The following TFEC variants were observed in gnomAD, a reference collection of about 807,000 sequenced individuals.
The protein encoded by TFEC is transcription factor EC.
TFEC carries 31 observed loss-of-function variants against 41.6 expected under a neutral mutation model. The ratio of observed to expected loss-of-function variants is 0.74; its 90% CI spans 0.56 to 1.01. The LOEUF (loss-of-function observed/expected upper bound fraction) is 1.01, where lower values mean the gene tolerates loss of function less well. Among genes scored for constraint, TFEC ranks in the 50% least tolerant of loss-of-function variants. The pLI is 0.00. For missense variants in TFEC, 402 were observed against 404.1 expected (o/e 0.99, Z 0.04); for synonymous variants, 143 against 140.6 (o/e 1.02, Z -0.12).
chr7:116,065,715 G>C (rs1270495709), intron 3 of TFEC, among the ~76,000 whole-genome samples: 1 of 152,116 alleles, frequency 6.6e-6, no homozygotes, highest in African/African-American at 2.4e-5. Flanking sequence ...TGAACCATTT[G>C]AGTATGTATC....
chr7:116,143,061 A>AGGC, intron 1 of TFEC, among the ~76,000 whole-genome samples: 1 of 152,190 alleles, frequency 6.6e-6, no homozygotes, highest in East Asian at 1.9e-4. Flanking sequence ...AATGAAGGTC[A>AGGC]GGCGTGCGAC....
intron 3 of TFEC, 44 bp downstream of exon 3, chr7:115,974,126 T>C: frequency 2.0e-6 from 3 of 1,472,336 alleles, no homozygotes; most frequent in Admixed American, 2.1e-5. Flanking sequence ...TCAGAGTGTA[T>C]TCATTTCTGT....
At chr7:116,100,448 TG>T (rs1023514488) in intron 3 of TFEC, among the ~76,000 whole-genome samples, 71 of 152,278 alleles carry the variant, frequency 4.7e-4, no homozygotes, top group African/African-American at 1.5e-3. Context: ...GCATCTTAAC[TG>T]CAACAAACTT....
intron 3 of TFEC, among the ~76,000 whole-genome samples, chr7:116,049,607 C>T (rs1378656995): frequency 1.3e-5 from 2 of 152,188 alleles, no homozygotes; most frequent in African/African-American, 4.8e-5. Flanking sequence ...AGGAATTGAG[C>T]TAAGCTCTGC....
At chr7:115,986,270 T>C (rs750643287) in intron 1 of TFEC, among the ~76,000 whole-genome samples, 5 of 152,152 alleles carry the variant, frequency 3.3e-5, no homozygotes, top group Admixed American at 6.6e-5. Context: ...ACATATATTA[T>C]CTTACTCCAT....
chr7:115,942,443 T>C (rs1025330910), intron 6 of TFEC, among the ~76,000 whole-genome samples: 2 of 152,018 alleles, frequency 1.3e-5, no homozygotes, highest in African/African-American at 4.8e-5. Flanking sequence ...TTTAAGATCA[T>C]TTCAAATGTA....
At position 116,014,520 on chromosome 7, in the gene TFEC, CA is replaced by C. The variant is rs368840466; in HGVS notation, c.-73+16112del. On this transcript the variant is annotated intron_variant, in intron 1 of 7. Transcript: ENST00000265440. ...AGAAAAAAAATTCATTGAAAATTTA[CA>C]AATTAAAACAAAAATATTTTTGAAA... Among the ~76,000 whole-genome samples, 213 of 152,176 alleles carry C rather than the reference CA, an allele frequency of 1.4e-3. 1 individual carries two copies. The highest frequency in any genetic ancestry group is 4.7e-3 in the African/African-American group (196 of 41,530).
chr7:116,155,085 A>G (rs10224339), intron 1 of TFEC, among the ~76,000 whole-genome samples: 74,416 of 151,894 alleles, frequency 0.49, 18,806 homozygotes, highest in East Asian at 0.7. Flanking sequence ...TTCACCAGTT[A>G]TGTAACCAAT....
At chr7:116,107,383 C>T (rs987931081) in intron 3 of TFEC, among the ~76,000 whole-genome samples, 15 of 152,146 alleles carry the variant, frequency 9.9e-5, no homozygotes, top group Non-Finnish European at 1.5e-4. Context: ...GCTAGACATG[C>T]GAGCCAGCAA....
chr7:116,117,129 T>C (rs1798008406), intron 1 of TFEC, among the ~76,000 whole-genome samples: 1 of 151,902 alleles, frequency 6.6e-6, no homozygotes, highest in South Asian at 2.1e-4. Context: ...GGTGGAAACC[T>C]ATTGAGTCTG....
chr7:116,043,695 A>G (rs1365551792), intron 3 of TFEC, among the ~76,000 whole-genome samples: 1 of 152,228 alleles, frequency 6.6e-6, no homozygotes, highest in Non-Finnish European at 1.5e-5. Context: ...GAAAAGAAAC[A>G]TATGAAAATA....
At position 115,942,953 on chromosome 7, in the gene TFEC, C is replaced by T. The variant is rs114334735; in HGVS notation, c.516-913G>A. Among the ~76,000 whole-genome samples, 998 of 151,992 alleles carry T rather than the reference C, an allele frequency of 6.6e-3. 8 individuals carry two copies. The highest frequency in any genetic ancestry group is 0.022 in the African/African-American group (926 of 41,482). ...TGGATACATTTTGAATTTAGAGTCA[C>T]GAGATGTTTTTAATATAGCATAAAG... On this transcript the variant is annotated intron_variant, in intron 6 of 7. Coordinates refer to ENST00000265440, the MANE Select transcript of TFEC (RefSeq NM_012252.4).
chr7:115,941,737 A>C (rs1053059854), intron 7 of TFEC, 156 bp downstream of exon 7: 4 of 922,838 alleles, frequency 4.3e-6, no homozygotes, highest in Non-Finnish European at 6.3e-6. Context: ...AATTGAAACA[A>C]CCCAATTCAC....
intron 1 of TFEC, among the ~76,000 whole-genome samples, chr7:116,013,183 C>A (rs1795066017): frequency 6.6e-6 from 1 of 151,878 alleles, no homozygotes; most frequent in Non-Finnish European, 1.5e-5. Context: ...TAAAATATAC[C>A]TTGTCTTTGT....
At chr7:116,124,157 G>A (rs941233371) in intron 1 of TFEC, among the ~76,000 whole-genome samples, 6 of 151,990 alleles carry the variant, frequency 3.9e-5, no homozygotes, top group Non-Finnish European at 7.4e-5. Context: ...CAAAATGCCA[G>A]GATACATTTA....
At chr7:116,133,163 A>T (rs374274738) in intron 1 of TFEC, among the ~76,000 whole-genome samples, 2 of 152,210 alleles carry the variant, frequency 1.3e-5, no homozygotes, top group East Asian at 3.8e-4. Flanking sequence ...GAGTGATTTA[A>T]TTTTTGTTTA....
At chr7:116,086,181 A>T (rs1797199528) in intron 3 of TFEC, among the ~76,000 whole-genome samples, 1 of 151,796 alleles carries the variant, frequency 6.6e-6, no homozygotes, top group Admixed American at 6.6e-5. Context: ...CCTCAACTCA[A>T]ATTTACATAT....
chr7:115,975,023 A>T (rs1035601492), intron 2 of TFEC, among the ~76,000 whole-genome samples: 6 of 152,092 alleles, frequency 3.9e-5, no homozygotes, highest in Non-Finnish European at 7.4e-5. Context: ...AAAAAATTCA[A>T]TAATTTGTCC....
chr7:116,093,941 T>C (rs543803404), intron 3 of TFEC, among the ~76,000 whole-genome samples: 1 of 152,232 alleles, frequency 6.6e-6, no homozygotes, highest in African/African-American at 2.4e-5. Flanking sequence ...GTGCATAAGG[T>C]TTTGGTGATT....
Sources: allele counts gnomAD v4.1 joint callset (sites outside exome capture counted in the v4.1 genomes callset), GRCh38; gene constraint gnomAD v4.1.1; transcripts MANE v1.5; gene names NCBI Gene and HGNC (gene_info 2026-07-23, HGNC 2026-07-21).